TIMM9: variants seen among roughly 807,000 people sequenced by gnomAD.
TIMM9 encodes translocase of inner mitochondrial membrane 9.
TIMM9 carries 10 observed loss-of-function variants against 13.4 expected under a neutral mutation model. The ratio of observed to expected loss-of-function variants is 0.75; its 90% confidence interval spans 0.46 to 1.26. The LOEUF is 1.26. Among genes scored for constraint, TIMM9 ranks in the 50% most tolerant of loss-of-function variants. The probability of loss-of-function intolerance (pLI) is 0.00; values close to 1 mark genes in which losing one functional copy is unlikely to be tolerated. For missense variants in TIMM9, 87 were observed against 100.8 expected, an observed-to-expected ratio of 0.86 and a Z score of 0.58; for synonymous variants, 32 against 32.1, an observed-to-expected ratio of 1.00 and a Z score of 0.01.
intron 2 of TIMM9, among the ~76,000 whole-genome samples, chr14:58,425,943 G>A (rs1356462413): frequency 6.6e-6 from 1 of 151,758 alleles, no homozygotes; most frequent in Non-Finnish European, 1.5e-5. Context: ...GTGAAACCCC[G>A]TCTCTAATAA....
In TIMM9 at chr14:58,408,708, T is replaced by C. The variant is rs2036111699; in HGVS notation, c.*326A>G. On this transcript the variant is annotated 3_prime_UTR_variant, in exon 6 of 6. Coordinates refer to ENST00000395159, the MANE Select transcript of TIMM9 (RefSeq NM_012460.4). The stretch of plus-strand genomic sequence containing the variant: ...AAAAATTTTTCTATCTCATACATGA[T>C]CGAACACATAAGTTGCTTTAAAATT... 1 of 898,384 alleles carries C rather than the reference T, an allele frequency of 1.1e-6. No individual in the cohort carries two copies. The highest frequency in any genetic ancestry group is 1.9e-5 in the South Asian group (1 of 53,218). 55.7% of individuals were successfully genotyped at this position (898,384 alleles called of 1,614,324 possible).
intron 2 of TIMM9, among the ~76,000 whole-genome samples, chr14:58,425,007 G>A (rs1337281942): frequency 6.6e-6 from 1 of 152,194 alleles, no homozygotes; most frequent in African/African-American, 2.4e-5. Flanking sequence ...CTCTAATCAT[G>A]AGGGAATAAT....
rs1262174701 is a variant in TIMM9 at position 58,408,610 on chromosome 14, G to A, written c.*424C>T. 1.9e-6 allele frequency: 3 copies of A among 1,603,614 alleles called. No homozygotes were observed. The Admixed American group carries it at 5.0e-5, about 27-fold the overall frequency. On this transcript the variant is annotated 3_prime_UTR_variant, in exon 6 of 6. Transcript: ENST00000395159. Reference sequence around the variant, plus strand: ...AACATTTCAACGTATCCACAGTCCAGTGAGAATACTATGGTACCATACAGT... The same window carrying A: ...AACATTTCAACGTATCCACAGTCCAATGAGAATACTATGGTACCATACAGT...
chr14:58,415,559 A>G (rs2036378543), intron 3 of TIMM9, among the ~76,000 whole-genome samples: 1 of 152,230 alleles, frequency 6.6e-6, no homozygotes, highest in Non-Finnish European at 1.5e-5. Flanking sequence ...TGAAAAATAC[A>G]ATAACCAAAA....
chr14:58,411,913 T>C lies in TIMM9; in HGVS notation c.33A>G (p.Ile11Met), dbSNP rs1348289012. MAAQIPESDQ[I>M]KQFKEFLGTY... ...CTTAATTAGAATACCTTACCTGTTTTATCTGATCAGATTCTGGTATTTGTG... is the reference window on the plus strand; with the variant it reads ...CTTAATTAGAATACCTTACCTGTTTCATCTGATCAGATTCTGGTATTTGTG... The change falls in exon 4 of 6, where the codon ATA becomes ATG. Residue 11 changes from isoleucine (I) to methionine (M), a missense_variant. Transcript: ENST00000395159. The C allele has an allele frequency of 1.2e-6, 2 of 1,613,828 alleles. No individual in the cohort carries two copies. Among genetic ancestry groups the C allele is most frequent in the African/African-American group, 1.3e-5 (1 of 74,936 alleles).
chr14:58,414,996 G>A (rs1373509234), intron 3 of TIMM9, among the ~76,000 whole-genome samples: 1 of 152,144 alleles, frequency 6.6e-6, no homozygotes, highest in East Asian at 1.9e-4. Flanking sequence ...ATTAGGCCAT[G>A]TACCCTGCTG....
At chr14:58,423,606 A>G (rs780522776) in intron 3 of TIMM9, among the ~76,000 whole-genome samples, 2 of 151,816 alleles carry the variant, frequency 1.3e-5, no homozygotes, top group African/African-American at 2.4e-5. Context: ...GAGTAAATCA[A>G]TGATTTTCAG....
intron 2 of TIMM9, among the ~76,000 whole-genome samples, chr14:58,426,642 G>A (rs982366194): frequency 6.6e-6 from 1 of 152,240 alleles, no homozygotes; most frequent in Non-Finnish European, 1.5e-5. Context: ...AAGGCGTAAA[G>A]GGAAAGCTCT....
chr14:58,414,008 G>GAAAAAAA (rs10656955), intron 3 of TIMM9, among the ~76,000 whole-genome samples: 554 of 24,178 alleles, frequency 0.023, 183 homozygotes, highest in Admixed American at 0.037. Context: ...TTCCGTCTCA[G>GAAAAAAA]AAAAAAAAAA....
chr14:58,410,920 T>C lies in TIMM9; in HGVS notation c.58A>G (p.Thr20Ala). The change falls in exon 5 of 6, where the codon ACC (threonine) becomes GCC (alanine). Residue 20 changes from threonine to alanine, a missense_variant. By Grantham distance (58) the Thr-to-Ala change is moderately conservative. Transcript: ENST00000395159. ...CAGGTCTCTGTAAGTTTATTGTAGGTCCCCAGAAATTCCTTAAACTACAAA... is the reference window on the plus strand; with the variant it reads ...CAGGTCTCTGTAAGTTTATTGTAGGCCCCCAGAAATTCCTTAAACTACAAA... ...QIKQFKEFLGTYNKLTETCFL... is the reference protein window; with the variant it reads ...QIKQFKEFLGAYNKLTETCFL... 6.2e-7 allele frequency: 1 copy of C among 1,612,598 alleles called. No individual in the cohort carries two copies. The highest frequency in any genetic ancestry group is 8.5e-7 in the Non-Finnish European group (1 of 1,179,468).
intron 2 of TIMM9, among the ~76,000 whole-genome samples, chr14:58,425,816 G>A (rs951159498): frequency 2.0e-5 from 3 of 152,054 alleles, no homozygotes; most frequent in African/African-American, 7.2e-5. Flanking sequence ...AAGAGAAAAT[G>A]TAACTAAAAT....
intron 3 of TIMM9, among the ~76,000 whole-genome samples, chr14:58,419,014 A>G (rs550767479): frequency 2.0e-5 from 3 of 152,220 alleles, no homozygotes; most frequent in Non-Finnish European, 4.4e-5. Flanking sequence ...ACAAATTTGA[A>G]AAATGAAGAA....
At chr14:58,420,418 A>G (rs149736225) in intron 3 of TIMM9, among the ~76,000 whole-genome samples, 2 of 152,350 alleles carry the variant, frequency 1.3e-5, no homozygotes, top group Non-Finnish European at 2.9e-5. Flanking sequence ...AAGGTATTTC[A>G]GCAAAAAGGA....
Position 58,410,864 on chromosome 14 carries a change from T to C in TIMM9, c.114A>G (p.Thr38=). ...CFLDCVKDFT[T]REVKPEETTC... Reference sequence around the variant, plus strand: ...ATACCTCTTCAGGTTTTACTTCTCTTGTTGTGAAGTCTTTAACACAGTCCA... The same window carrying C: ...ATACCTCTTCAGGTTTTACTTCTCTCGTTGTGAAGTCTTTAACACAGTCCA... The change falls in exon 5 of 6, where the codon ACA becomes ACG. Residue 38 remains threonine (T), a synonymous_variant. Coordinates refer to ENST00000395159, the MANE Select transcript of TIMM9 (RefSeq NM_012460.4). The C allele has an allele frequency of 6.2e-7, 1 of 1,609,348 alleles. No homozygotes were observed. The highest frequency in any genetic ancestry group is 8.5e-7 in the Non-Finnish European group (1 of 1,178,724).
At chr14:58,421,638 C>T (rs923006364) in intron 3 of TIMM9, among the ~76,000 whole-genome samples, 2 of 152,042 alleles carry the variant, frequency 1.3e-5, no homozygotes, top group Admixed American at 6.6e-5. Flanking sequence ...CAAAGAACAA[C>T]ATGCAGCGTG....
chr14:58,417,336 G>T lies in TIMM9; in HGVS notation c.-26-5365C>A, dbSNP rs2036444120. 2.6e-5 allele frequency among the ~76,000 whole-genome samples: 4 copies of T among 151,586 alleles called. No individual in the cohort carries two copies. In the South Asian group the frequency reaches 8.4e-4, roughly 32 times the overall value. On this transcript the variant is annotated intron_variant, in intron 3 of 5. Transcript: ENST00000395159. ...AAGAAAAGAAAGAGAGAAAAGAAAA[G>T]AAAAGAGAAAAGAAAGAAAAGTAGC...
Position 58,408,888 on chromosome 14 carries a change from C to T in TIMM9, c.*146G>A, listed in dbSNP as rs2036116322. 8.4e-7 allele frequency: 1 copy of T among 1,190,940 alleles called. No individual in the cohort carries two copies. The highest frequency in any genetic ancestry group is 1.6e-5 in the South Asian group (1 of 61,186). The allele number at this position is 1,190,940 out of a possible 1,614,324, so 73.8% of individuals were successfully genotyped here. On this transcript the variant is annotated 3_prime_UTR_variant, in exon 6 of 6. Coordinates refer to ENST00000395159, the MANE Select transcript of TIMM9 (RefSeq NM_012460.4). Reference sequence around the variant, plus strand: ...CCTGGTAAATAGCAATTTTGTTTCTCCAGCGGTTTCCATTTGCCAAACAGT... The same window carrying T: ...CCTGGTAAATAGCAATTTTGTTTCTTCAGCGGTTTCCATTTGCCAAACAGT...
In TIMM9 at chr14:58,408,664, T is replaced by C; in HGVS notation, c.*370A>G. 1 of 1,370,082 alleles carries C rather than the reference T, an allele frequency of 7.3e-7. No individual in the cohort carries two copies. The highest frequency in any genetic ancestry group is 1.3e-5 in the South Asian group (1 of 74,250). The allele number at this position is 1,370,082 out of a possible 1,614,324, so 84.9% of individuals were successfully genotyped here. A position where few individuals can be genotyped will look rare whatever the true frequency, so the allele number is the denominator to read the frequency against. ...AACAACTGCTCAGTGATATTTCCATTTATTTTACTTTGAGTAATAAAAATT... is the reference window on the plus strand; with the variant it reads ...AACAACTGCTCAGTGATATTTCCATCTATTTTACTTTGAGTAATAAAAATT... On this transcript the variant is annotated 3_prime_UTR_variant, in exon 6 of 6. Coordinates refer to ENST00000395159, the MANE Select transcript of TIMM9 (RefSeq NM_012460.4).
chr14:58,410,842 C>T lies in TIMM9; in HGVS notation c.135+1G>A, dbSNP rs1219686250. On this transcript the variant is annotated splice_donor_variant, in intron 5 of 5. Coordinates refer to ENST00000395159, the MANE Select transcript of TIMM9 (RefSeq NM_012460.4). LOFTEE classifies it high-confidence loss of function. ...ATTTTAGTGAGTAACACTTTTCATA[C>T]CTCTTCAGGTTTTACTTCTCTTGTT... 6.2e-7 allele frequency: 1 copy of T among 1,602,844 alleles called. No homozygotes were observed. Among genetic ancestry groups the T allele is most frequent in the African/African-American group, 1.3e-5 (1 of 74,410 alleles).
Sources: gnomAD v4.1 joint callset for allele counts (sites outside exome capture counted in the v4.1 genomes callset) on GRCh38, gnomAD v4.1.1 for gene constraint, MANE v1.5 for transcripts, NCBI Gene and HGNC (gene_info 2026-07-23, HGNC 2026-07-21) for gene names.